The following RBBP8NL variants were observed in gnomAD, a reference collection of about 807,000 sequenced individuals.
The protein encoded by RBBP8NL is RBBP8 N-terminal-like protein.
Under a neutral mutation model 62.2 loss-of-function variants are expected in RBBP8NL, and 59 were observed. The ratio of observed to expected loss-of-function variants is 0.95; its 90% confidence interval spans 0.77 to 1.18. The LOEUF is 1.18. Ranked by LOEUF, RBBP8NL falls within the 50% of genes most tolerant of loss-of-function variation. The pLI, the probability that RBBP8NL is intolerant of heterozygous loss-of-function variation, is 0.00. For synonymous variants in RBBP8NL, 412 were observed against 394.1 expected (o/e 1.05, Z -0.54); for missense variants, 896 against 899.5 (o/e 1.00, Z 0.05).
At chr20:62,416,327 C>G in intron 5 of RBBP8NL, 91 bp from the exon 6 acceptor site, 1 of 1,168,828 alleles carries the variant, frequency 8.6e-7, no homozygotes, top group Non-Finnish European at 1.2e-6. Flanking sequence ...AGCCCCTCAG[C>G]AGTGCCCCCA....
intron 1 of RBBP8NL, among the ~76,000 whole-genome samples, chr20:62,421,285 T>C (rs938244377): frequency 6.7e-6 from 1 of 148,506 alleles, no homozygotes; most frequent in South Asian, 2.2e-4. Context: ...ATAGCCAGTG[T>C]GCGTGTGTGT....
intron 4 of RBBP8NL, 21 bp downstream of exon 4, chr20:62,417,203 G>A (rs374446378): frequency 9.6e-6 from 15 of 1,562,544 alleles, no homozygotes; most frequent in East Asian, 6.9e-5. Context: ...GCCATGCTGC[G>A]AGGTGTCCTC....
At chr20:62,423,037 G>A (rs1988740941) in intron 1 of RBBP8NL, among the ~76,000 whole-genome samples, 1 of 152,078 alleles carries the variant, frequency 6.6e-6, no homozygotes, top group South Asian at 2.1e-4. Context: ...GTGGGAGGCT[G>A]GGAGGGATGT....
At chr20:62,420,054 C>T (rs1988666242) in intron 1 of RBBP8NL, among the ~76,000 whole-genome samples, 1 of 152,148 alleles carries the variant, frequency 6.6e-6, no homozygotes, top group African/African-American at 2.4e-5. Flanking sequence ...CCCAGGTATC[C>T]AGCCCATCAG....
intron 9 of RBBP8NL, 78 bp from the exon 10 acceptor site, chr20:62,414,634 G>A (rs1988521485): frequency 5.1e-6 from 7 of 1,372,632 alleles, no homozygotes; most frequent in African/African-American, 1.5e-5. Flanking sequence ...AGGGAGAGAC[G>A]ACAGGCACCC....
chr20:62,415,318 G>A (rs1234569650), intron 8 of RBBP8NL, 31 bp from the exon 9 acceptor site: 2 of 1,546,084 alleles, frequency 1.3e-6, no homozygotes, highest in Non-Finnish European at 8.7e-7. Flanking sequence ...GCCTGGGCGG[G>A]GGCATGCGTG....
rs763618131 is a variant in RBBP8NL at position 62,419,579 on chromosome 20, C to T, written c.61+8G>A. 1 of 1,613,272 alleles carries T rather than the reference C, an allele frequency of 6.2e-7. No individual in the cohort carries two copies. ...TCCCTAGCCTGGCATCTGTCCCTGGCCCCTCACCCAGGACTTCCTTCTCGT... is the reference window on the plus strand; with the variant it reads ...TCCCTAGCCTGGCATCTGTCCCTGGTCCCTCACCCAGGACTTCCTTCTCGT... On this transcript the variant is annotated splice_region_variant and intron_variant, in intron 2 of 13. Transcript: ENST00000252998.
chr20:62,413,897 G>T lies in RBBP8NL; in HGVS notation c.1454C>A (p.Thr485Asn). The T allele has an allele frequency of 6.3e-7, 1 of 1,594,404 alleles. No homozygotes were observed. The highest frequency in any genetic ancestry group is 8.5e-7 in the Non-Finnish European group (1 of 1,171,262). Residue 485 changes from threonine (T) to asparagine (N), a missense_variant, in exon 10 of 14, where the codon ACT becomes AAT. Coordinates refer to ENST00000252998, the MANE Select transcript of RBBP8NL (RefSeq NM_080833.3). ...PEPPTQSGPLTRSPQALSNGT... is the reference protein window; with the variant it reads ...PEPPTQSGPLNRSPQALSNGT... ...ATTGCTGAGTGCCTGGGGACTGCGAGTCAGGGGTCCGGACTGGGTGGGTGG... is the reference window on the plus strand; with the variant it reads ...ATTGCTGAGTGCCTGGGGACTGCGATTCAGGGGTCCGGACTGGGTGGGTGG...
rs755598120 is a variant in RBBP8NL at position 62,414,081 on chromosome 20, G to A, written c.1270C>T (p.Arg424Cys). The A allele has an allele frequency of 1.7e-5, 27 of 1,593,534 alleles. No homozygotes were observed. The highest frequency in any genetic ancestry group is 1.6e-4 in the African/African-American group (12 of 74,620). Residue 424 changes from arginine to cysteine, a missense_variant, in exon 10 of 14, where the codon CGC becomes TGC. Coordinates refer to ENST00000252998, the MANE Select transcript of RBBP8NL (RefSeq NM_080833.3). ...GRHTQPAGPG[R>C]AQRTEAAATQ... ...GCTGCAGCCTCTGTCCTCTGGGCGC[G>A]GCCCGGGCCTGCAGGCTGTGTGTGC...
At chr20:62,422,659 G>C (rs1328450856) in intron 1 of RBBP8NL, among the ~76,000 whole-genome samples, 14 of 150,534 alleles carry the variant, frequency 9.3e-5, no homozygotes, top group African/African-American at 3.2e-4. Context: ...TGGGGACCGG[G>C]GTGGGGATGG....
intron 2 of RBBP8NL, among the ~76,000 whole-genome samples, chr20:62,418,951 C>T (rs749229407): frequency 6.6e-6 from 1 of 152,140 alleles, no homozygotes; most frequent in African/African-American, 2.4e-5. Context: ...CTTGGACCTC[C>T]AGGTGGGTGT....
At chr20:62,420,021 C>A (rs112478076) in intron 1 of RBBP8NL, among the ~76,000 whole-genome samples, 2 of 152,176 alleles carry the variant, frequency 1.3e-5, no homozygotes, top group African/African-American at 4.8e-5. Context: ...TGAGTGCCGG[C>A]ACCTCTGAGC....
intron 13 of RBBP8NL, among the ~76,000 whole-genome samples, 156 bp downstream of exon 13, chr20:62,412,468 T>C (rs1025925455): frequency 6.6e-6 from 1 of 152,070 alleles, no homozygotes; most frequent in Non-Finnish European, 1.5e-5. Flanking sequence ...CCCTCCTCTG[T>C]GGGGTTCATT....
intron 1 of RBBP8NL, among the ~76,000 whole-genome samples, chr20:62,423,892 T>C (rs578240300): frequency 2.6e-5 from 4 of 152,136 alleles, no homozygotes; most frequent in Admixed American, 2.6e-4. Context: ...GAGCCAGGGG[T>C]CAGCAGCGGG....
chr20:62,413,617 C>A lies in RBBP8NL; in HGVS notation c.1531-72G>T, dbSNP rs1988486460. ...TTGCCGCCAACTCAGCCCTGGACAG[C>A]CGGTGGGACCCCTCTTGAGGCTGCA... On this transcript the variant is annotated intron_variant, in intron 10 of 13. Coordinates refer to ENST00000252998, the MANE Select transcript of RBBP8NL (RefSeq NM_080833.3). The A allele has an allele frequency of 5.4e-6, 8 of 1,478,858 alleles. No homozygotes were observed. The South Asian group carries it at 8.3e-5, about 15-fold the overall frequency. The allele number at this position is 1,478,858 out of a possible 1,614,324, so 91.6% of individuals were successfully genotyped here. A position where few individuals can be genotyped will look rare whatever the true frequency, so the allele number is the denominator to read the frequency against.
Position 62,413,829 on chromosome 20 carries a change from T to C in RBBP8NL, c.1522A>G (p.Thr508Ala). Reference sequence around the variant, plus strand: ...AGGACCGGGCTCCTTACCATGGGAGTGGAAGCCTCCTCCTGCTCTGGCACT... The same window carrying C: ...AGGACCGGGCTCCTTACCATGGGAGCGGAAGCCTCCTCCTGCTCTGGCACT... ...TRVPEQEEAS[T>A]PMDPSRPLPG... Residue 508 changes from threonine (T) to alanine (A), a missense_variant, in exon 10 of 14, where the codon ACT becomes GCT. Physicochemically the swap from Thr to Ala is moderately conservative, Grantham distance 58. Transcript: ENST00000252998. The C allele has an allele frequency of 6.3e-7, 1 of 1,595,776 alleles. No homozygotes were observed. The highest frequency in any genetic ancestry group is 1.3e-5 in the African/African-American group (1 of 74,406).
chr20:62,423,520 A>C (rs1175745692), intron 1 of RBBP8NL, among the ~76,000 whole-genome samples: 2 of 151,964 alleles, frequency 1.3e-5, no homozygotes, highest in East Asian at 3.9e-4. Context: ...AGACCCGCCC[A>C]ACAGGCCACT....
In RBBP8NL at chr20:62,417,194, C is replaced by T. The variant is rs1215408559; in HGVS notation, c.200+30G>A. 5 of 1,536,822 alleles carry T rather than the reference C, an allele frequency of 3.3e-6. No individual in the cohort carries two copies. In the South Asian group the frequency reaches 3.5e-5, roughly 11 times the overall value. Reference sequence around the variant, plus strand: ...CCTCTCCTGAGCCCACCGGTCCTGGCCATGCTGCGAGGTGTCCTCCCAGGC... The same window carrying T: ...CCTCTCCTGAGCCCACCGGTCCTGGTCATGCTGCGAGGTGTCCTCCCAGGC... On this transcript the variant is annotated intron_variant, in intron 4 of 13. Coordinates refer to ENST00000252998, the MANE Select transcript of RBBP8NL (RefSeq NM_080833.3).
At position 62,410,546 on chromosome 20, in the gene RBBP8NL, G is replaced by A; in HGVS notation, c.*332C>T. The stretch of plus-strand genomic sequence containing the variant: ...GGAGCAGGTGCTGGGCTGTGGGAGG[G>A]GCCGCAGAGCATTTCCCAGGTGGGT... On this transcript the variant is annotated 3_prime_UTR_variant, in exon 14 of 14. Coordinates refer to ENST00000252998, the MANE Select transcript of RBBP8NL (RefSeq NM_080833.3). 1 of 343,830 alleles carries A rather than the reference G, an allele frequency of 2.9e-6. No individual in the cohort carries two copies. The allele number at this position is 343,830 out of a possible 1,614,324, so 21.3% of individuals were successfully genotyped here.
Sources: allele counts gnomAD v4.1 joint callset (sites outside exome capture counted in the v4.1 genomes callset), GRCh38; gene constraint gnomAD v4.1.1; transcripts MANE v1.5; gene names NCBI Gene and HGNC (gene_info 2026-07-23, HGNC 2026-07-21).